Variants in NOL8 observed in about 807,000 individuals in gnomAD.
The protein encoded by NOL8 is nucleolar protein Nop132.
Under a neutral mutation model 116.1 loss-of-function variants are expected in NOL8, and 93 were observed. That is an observed-to-expected ratio of 0.80 (90% CI 0.68 to 0.95). The LOEUF (loss-of-function observed/expected upper bound fraction) is 0.95. Among genes scored for constraint, NOL8 ranks in the 40% least tolerant of loss-of-function variants. The pLI is 0.00. For synonymous variants in NOL8, 419 were observed against 469.0 expected (o/e 0.89, Z 1.38); for missense variants, 1,291 against 1,382.8 (o/e 0.93, Z 1.05).
intron 4 of NOL8, chr9:92,320,175 C>T (rs552831949): frequency 6.6e-6 from 3 of 456,120 alleles, no homozygotes; most frequent in African/African-American, 6.0e-5. Flanking sequence ...ATTCAAATCA[C>T]CGCCACCTTC....
rs1837356106 is a variant in NOL8 at position 92,297,713 on chromosome 9, T to C, written c.*123A>G. 1 of 688,562 alleles carries C rather than the reference T, an allele frequency of 1.5e-6. No individual in the cohort carries two copies. 42.7% of individuals were successfully genotyped at this position (688,562 alleles called of 1,614,324 possible). ...AGATGGCAACCAGAATGATATTCCG[T>C]CAGCCAGATTTTTAAAATTCCTTCA... On this transcript the variant is annotated 3_prime_UTR_variant, in exon 17 of 17. Coordinates refer to ENST00000442668, the MANE Select transcript of NOL8 (RefSeq NM_017948.6).
intron 4 of NOL8, 149 bp from the exon 5 acceptor site, chr9:92,319,505 T>C (rs1489361557): frequency 1.5e-6 from 1 of 679,592 alleles, no homozygotes; most frequent in Admixed American, 3.8e-5. Context: ...CTTAGTAGCA[T>C]AATAGCTTAC....
intron 6 of NOL8, among the ~76,000 whole-genome samples, chr9:92,317,862 G>A (rs1234527614): frequency 3.3e-5 from 5 of 151,188 alleles, no homozygotes; most frequent in African/African-American, 1.2e-4. Context: ...GTGAAACCCC[G>A]TCTCTAGTAA....
chr9:92,312,441 C>A (rs1296511667), intron 7 of NOL8, among the ~76,000 whole-genome samples: 2 of 108,334 alleles, frequency 1.8e-5, no homozygotes, highest in South Asian at 2.8e-4. Context: ...CAGAGTGAGA[C>A]CCTGTAAAAA....
rs1837348806 is a variant in NOL8 at position 92,297,623 on chromosome 9, A to G, written c.*213T>C. The G allele has an allele frequency of 1.9e-6, 1 of 535,990 alleles. No individual in the cohort carries two copies. The highest frequency in any genetic ancestry group is 3.6e-5 in the Admixed American group (1 of 27,662). 33.2% of individuals were successfully genotyped at this position (535,990 alleles called of 1,614,324 possible). A position where few individuals can be genotyped will look rare whatever the true frequency, so the allele number is the denominator to read the frequency against. On this transcript the variant is annotated 3_prime_UTR_variant, in exon 17 of 17. Coordinates refer to ENST00000442668, the MANE Select transcript of NOL8 (RefSeq NM_017948.6). ...AAGGACTATCTTGTTCTTCCTTTATAAGAAGTTGAATTTAATTTTTGAAGT... is the reference window on the plus strand; with the variant it reads ...AAGGACTATCTTGTTCTTCCTTTATGAGAAGTTGAATTTAATTTTTGAAGT...
chr9:92,321,573 T>G (rs1839929236), intron 4 of NOL8, 95 bp downstream of exon 4: 1 of 719,550 alleles, frequency 1.4e-6, no homozygotes, highest in Admixed American at 3.4e-5. Flanking sequence ...TTGTTAAGAA[T>G]ATAATACTAT....
rs117657751 is a variant in NOL8 at position 92,313,502 on chromosome 9, A to G, written c.2358+765T>C. 1.5e-3 allele frequency among the ~76,000 whole-genome samples: 231 copies of G among 152,320 alleles called. 2 individuals are homozygous for G. The East Asian group carries it at 0.039, about 26-fold the overall frequency. ...AGTTTGTCAACTCCTGTTCCAAAAT[A>G]GACACAATTAATCTTCTCTCCTTTG... On this transcript the variant is annotated intron_variant, in intron 7 of 16. Coordinates refer to ENST00000442668, the MANE Select transcript of NOL8 (RefSeq NM_017948.6).
chr9:92,297,843 G>T lies in NOL8; in HGVS notation c.3497C>A (p.Pro1166Gln). 6.5e-7 allele frequency: 1 copy of T among 1,548,228 alleles called. No individual in the cohort carries two copies. The highest frequency in any genetic ancestry group is 1.2e-5 in the South Asian group (1 of 83,322). Residue 1166 changes from proline (P) to glutamine (Q), a missense_variant, in exon 17 of 17, where the codon CCA becomes CAA. Physicochemically the swap from Pro to Gln is moderately conservative, Grantham distance 76 (BLOSUM62 -1). Transcript: ENST00000442668. ...KHKDAKRKMKPK is the reference protein window; with the variant it reads ...KHKDAKRKMKQK The stretch of plus-strand genomic sequence containing the variant: ...AAAACCAGCTGACATTTATTATTTT[G>T]GTTTCATTTTCCTTTTTGCGTCTTT...
At chr9:92,318,800 T>G in intron 5 of NOL8, 114 bp from the exon 6 acceptor site, 1 of 649,726 alleles carries the variant, frequency 1.5e-6, no homozygotes, top group Non-Finnish European at 2.5e-6. Context: ...ACTGTTGGGT[T>G]TAGTTTTCTG....
chr9:92,307,026 T>C lies in NOL8; in HGVS notation c.2687-2A>G. 1 of 1,606,256 alleles carries C rather than the reference T, an allele frequency of 6.2e-7. No homozygotes were observed. The highest frequency in any genetic ancestry group is 1.3e-5 in the African/African-American group (1 of 74,432). On this transcript the variant is annotated splice_acceptor_variant, in intron 10 of 16. Coordinates refer to ENST00000442668, the MANE Select transcript of NOL8 (RefSeq NM_017948.6). LOFTEE classifies it high-confidence loss of function. ...CAGCAGTTTTCTTTTCATTTACCTCTTTGAGGAAAAGGGATAATTAATACT... is the reference window on the plus strand; with the variant it reads ...CAGCAGTTTTCTTTTCATTTACCTCCTTGAGGAAAAGGGATAATTAATACT...
chr9:92,311,686 A>G (rs1838809368), intron 7 of NOL8, among the ~76,000 whole-genome samples: 1 of 152,242 alleles, frequency 6.6e-6, no homozygotes, highest in African/African-American at 2.4e-5. Context: ...CTATTACTAA[A>G]AAGTCAAAAT....
chr9:92,301,832 CAT>C lies in NOL8; in HGVS notation c.2904-12_2904-11del, dbSNP rs780416107. 3.2e-6 allele frequency: 5 copies of C among 1,552,912 alleles called. No homozygotes were observed. The South Asian group carries it at 6.1e-5, about 19-fold the overall frequency. ...TTTTCGTTTTGCTTTACTGAAATGA[CAT>C]ATGTAGACATGTGCATCACAAAGAA... On this transcript the variant is annotated splice_polypyrimidine_tract_variant and intron_variant, in intron 12 of 16. Coordinates refer to ENST00000442668, the MANE Select transcript of NOL8 (RefSeq NM_017948.6).
At position 92,314,620 on chromosome 9, in the gene NOL8, T is replaced by C; in HGVS notation, c.2005A>G (p.Lys669Glu). The C allele has an allele frequency of 6.2e-7, 1 of 1,612,926 alleles. No homozygotes were observed. Reference sequence around the variant, plus strand: ...TCTAATGGCCTAGAAATAGGATTCTTACTTCTCTTTTCAGAACTGCTAGGG... The same window carrying C: ...TCTAATGGCCTAGAAATAGGATTCTCACTTCTCTTTTCAGAACTGCTAGGG... ...VSPSSSEKRS[K>E]NPISRPLEGK... Residue 669 changes from lysine (K) to glutamate (E), a missense_variant, in exon 7 of 17, where the codon AAG becomes GAG. By Grantham distance (56) the Lys-to-Glu change is moderately conservative. Transcript: ENST00000442668.
Position 92,315,067 on chromosome 9 carries a change from C to CA in NOL8, c.1557dup (p.Asp520Ter). On this transcript the variant is annotated frameshift_variant, in exon 7 of 17. Transcript: ENST00000442668. LOFTEE classifies it high-confidence loss of function. The stretch of plus-strand genomic sequence containing the variant: ...GTCTTGGGGCTCTTGGAGCCTCTGT[C>CA]AAACTTGCATTGGGTGGTGGTTTCT... 1 of 1,614,036 alleles carries CA rather than the reference C, an allele frequency of 6.2e-7. No homozygotes were observed.
intron 3 of NOL8, among the ~76,000 whole-genome samples, chr9:92,322,041 G>T (rs1490496547): frequency 6.6e-6 from 1 of 152,214 alleles, no homozygotes; most frequent in Non-Finnish European, 1.5e-5. Flanking sequence ...GTAAACAAAT[G>T]TCAGGAACCT....
At chr9:92,303,593 G>C (rs192455571) in intron 12 of NOL8, among the ~76,000 whole-genome samples, 6 of 151,932 alleles carry the variant, frequency 3.9e-5, no homozygotes, top group Non-Finnish European at 8.8e-5. Context: ...TATAGACCTC[G>C]GTCTAAAAAT....
rs1837761431 is a variant in NOL8 at position 92,301,709 on chromosome 9, T to G, written c.3017A>C (p.Tyr1006Ser). 2 of 1,608,200 alleles carry G rather than the reference T, an allele frequency of 1.2e-6. No homozygotes were observed. The highest frequency in any genetic ancestry group is 1.7e-6 in the Non-Finnish European group (2 of 1,178,294). The change falls in exon 13 of 17, where the codon TAT becomes TCT. Residue 1006 changes from tyrosine to serine, a missense_variant. Physicochemically the swap from Tyr to Ser is moderately radical, Grantham distance 144 (BLOSUM62 -2). Transcript: ENST00000442668. Reference sequence around the variant, plus strand: ...TGTGCCCTCTTCCTTTTCACTGGTATATTTTGTAGTTTGGAATATTTCTTT... The same window carrying G: ...TGTGCCCTCTTCCTTTTCACTGGTAGATTTTGTAGTTTGGAATATTTCTTT... Reference protein sequence around the residue: ...DLKEIFQTTKYTSEKEEGTPW... With the variant: ...DLKEIFQTTKSTSEKEEGTPW...
In NOL8 at chr9:92,299,774, A is replaced by G. The variant is rs140919509; in HGVS notation, c.3302+116T>C. ...CTCAAAAAAAAAAAATAAAATAAAA[A>G]AAGAAGCTAAGACAATTTAGTTGTC... On this transcript the variant is annotated intron_variant, in intron 14 of 16. Transcript: ENST00000442668. The G allele has an allele frequency of 1.9e-5, 22 of 1,133,096 alleles. No homozygotes were observed. In the African/African-American group the frequency reaches 3.4e-4, roughly 18 times the overall value. The allele number at this position is 1,133,096 out of a possible 1,614,324, so 70.2% of individuals were successfully genotyped here.
chr9:92,299,758 A>T (rs1044459991), intron 14 of NOL8, 132 bp downstream of exon 14: 118 of 1,034,580 alleles, frequency 1.1e-4, no homozygotes, highest in East Asian at 1.0e-3. Flanking sequence ...TCTCAAAAAA[A>T]AAAAATAAAA....
Sources: gnomAD v4.1 joint callset for allele counts (sites outside exome capture counted in the v4.1 genomes callset) on GRCh38, gnomAD v4.1.1 for gene constraint, MANE v1.5 for transcripts, NCBI Gene and HGNC (gene_info 2026-07-23, HGNC 2026-07-21) for gene names.